The following PHF2 variants were observed in gnomAD, a reference collection of about 807,000 sequenced individuals.
The protein encoded by PHF2 is PHD finger protein 2.
Under a neutral mutation model 120.5 loss-of-function variants are expected in PHF2, and 27 were observed. That is an observed-to-expected ratio of 0.22 (90% confidence interval 0.17 to 0.31). The LOEUF (loss-of-function observed/expected upper bound fraction) is 0.31, where lower values mean the gene tolerates loss of function less well. Ranked by LOEUF, PHF2 falls within the 10% of genes least tolerant of loss-of-function variation. The pLI is 1.00. For synonymous variants in PHF2, 568 were observed against 592.5 expected (o/e 0.96, Z 0.60); for missense variants, 1,024 against 1,434.8 (o/e 0.71, Z 4.63).
At chr9:93,667,533 G>A (rs923449093) in intron 17 of PHF2, among the ~76,000 whole-genome samples, 19 of 152,116 alleles carry the variant, frequency 1.2e-4, no homozygotes, top group Admixed American at 3.3e-4. Flanking sequence ...AAATCTTTTG[G>A]GAATTTCCAC....
At chr9:93,634,112 T>A (rs2131659438) in intron 2 of PHF2, among the ~76,000 whole-genome samples, 1 of 152,190 alleles carries the variant, frequency 6.6e-6, no homozygotes, top group East Asian at 1.9e-4. Context: ...GCTCTGGAAG[T>A]TTCCTCCCTA....
At chr9:93,639,473 G>T (rs1468364736) in intron 3 of PHF2, among the ~76,000 whole-genome samples, 1 of 151,756 alleles carries the variant, frequency 6.6e-6, no homozygotes, top group Non-Finnish European at 1.5e-5. Context: ...TTTTTAGAGG[G>T]TTCCTTAGTA....
chr9:93,597,652 A>G (rs1379837852), intron 1 of PHF2, among the ~76,000 whole-genome samples: 1 of 152,044 alleles, frequency 6.6e-6, no homozygotes, highest in Non-Finnish European at 1.5e-5. Context: ...ACTGCCAGGG[A>G]GGAGCCTGGT....
chr9:93,669,391 G>A lies in PHF2; in HGVS notation c.2348+2151G>A, dbSNP rs1047473390. On this transcript the variant is annotated intron_variant, in intron 17 of 21. Transcript: ENST00000359246. ...GGGCAGGAGTGACTGCGCTCACTTAGGCAGGCCTTCAGTGCTGCAGCTTGT... is the reference window on the plus strand; with the variant it reads ...GGGCAGGAGTGACTGCGCTCACTTAAGCAGGCCTTCAGTGCTGCAGCTTGT... 9.8e-5 allele frequency among the ~76,000 whole-genome samples: 15 copies of A among 152,374 alleles called. 2 individuals are homozygous for A. In the East Asian group the frequency reaches 1.3e-3, roughly 14 times the overall value.
chr9:93,620,518 C>T (rs887472993), intron 1 of PHF2, among the ~76,000 whole-genome samples: 5 of 152,160 alleles, frequency 3.3e-5, no homozygotes, highest in Non-Finnish European at 5.9e-5. Context: ...AGGTGGCCCA[C>T]GATGGGCTTC....
At position 93,651,098 on chromosome 9, in the gene PHF2, T is replaced by TTA. The variant is rs1554797408; in HGVS notation, c.602+1886_602+1887insTA. ...AGGATCCTGTCTTTATTTTAAAAAT[T>TTA]AAAAAAAAAAAAAAAAAGGTAATGG... On this transcript the variant is annotated intron_variant, in intron 5 of 21. Coordinates refer to ENST00000359246, the MANE Select transcript of PHF2 (RefSeq NM_005392.4). 9.1e-4 allele frequency among the ~76,000 whole-genome samples: 126 copies of TTA among 138,924 alleles called. 1 individual carries two copies. The highest frequency in any genetic ancestry group is 8.2e-3 in the East Asian group (39 of 4,734). The allele number at this position is 138,924 out of a possible 152,430, so 91.1% of individuals were successfully genotyped here.
chr9:93,645,848 A>G (rs1195451540), intron 4 of PHF2, 59 bp downstream of exon 4: 3 of 1,504,954 alleles, frequency 2.0e-6, no homozygotes, highest in African/African-American at 1.4e-5. Context: ...TGGGACACCC[A>G]CCACTGTGCA....
Position 93,656,676 on chromosome 9 carries a change from C to T in PHF2, c.1147+81C>T, listed in dbSNP as rs1307052885. On this transcript the variant is annotated intron_variant, in intron 9 of 21. Coordinates refer to ENST00000359246, the MANE Select transcript of PHF2 (RefSeq NM_005392.4). The surrounding 1 kb of genome is among the most constrained non-coding windows in gnomAD (Gnocchi z 4.1). ...GCCAGACCTGGTCAGGGCTGACTGT[C>T]TGGGTGTGAGTGCCGCCTTCCTGTG... is the stretch of plus-strand genomic sequence containing the variant. 1 of 965,258 alleles carries T rather than the reference C, an allele frequency of 1.0e-6. No individual in the cohort carries two copies. The highest frequency in any genetic ancestry group is 1.6e-5 in the African/African-American group (1 of 62,212). The allele number at this position is 965,258 out of a possible 1,614,324, so 59.8% of individuals were successfully genotyped here.
chr9:93,659,038 C>T (rs977480479), intron 10 of PHF2, among the ~76,000 whole-genome samples: 2 of 152,204 alleles, frequency 1.3e-5, no homozygotes, highest in Non-Finnish European at 2.9e-5. Flanking sequence ...TGGAGATTTA[C>T]AGGAAGCCTT....
intron 20 of PHF2, among the ~76,000 whole-genome samples, 173 bp downstream of exon 20, chr9:93,675,962 A>G (rs1826902909): frequency 6.6e-6 from 1 of 152,174 alleles, no homozygotes. Flanking sequence ...TCCAGGCCCT[A>G]AATTCCCCGT....
intron 1 of PHF2, among the ~76,000 whole-genome samples, chr9:93,620,371 C>T (rs550959773): frequency 1.9e-4 from 29 of 152,314 alleles, no homozygotes; most frequent in African/African-American, 2.9e-4. Context: ...AGGTGAGGCA[C>T]GAGGGCCTGT....
chr9:93,636,224 GTA>G (rs1826087295), intron 2 of PHF2, among the ~76,000 whole-genome samples, 185 bp from the exon 3 acceptor site: 1 of 152,070 alleles, frequency 6.6e-6, no homozygotes, highest in Non-Finnish European at 1.5e-5. Context: ...CGAGGTCGAG[GTA>G]GGGGGTTGAC....
In PHF2 at chr9:93,673,767, G is replaced by T. The variant is rs775328716; in HGVS notation, c.2531G>T (p.Arg844Leu). 5.0e-6 allele frequency: 8 copies of T among 1,613,362 alleles called. No homozygotes were observed. Among genetic ancestry groups the T allele is most frequent in the Non-Finnish European group, 5.9e-6 (7 of 1,179,794 alleles). Residue 844 changes from arginine (R) to leucine (L), a missense_variant, in exon 18 of 22, where the codon CGA becomes CTA. Coordinates refer to ENST00000359246, the MANE Select transcript of PHF2 (RefSeq NM_005392.4). ...GGGSGKSAGK[R>L]LLKRAAKNSV... Reference sequence around the variant, plus strand: ...GGCAGTGGCAAGAGTGCAGGCAAACGACTGCTGAAGAGGGCTGCCAAGAAC... The same window carrying T: ...GGCAGTGGCAAGAGTGCAGGCAAACTACTGCTGAAGAGGGCTGCCAAGAAC...
chr9:93,607,567 G>A (rs1478658321), intron 1 of PHF2, among the ~76,000 whole-genome samples: 4 of 151,404 alleles, frequency 2.6e-5, no homozygotes, highest in Admixed American at 6.6e-5. Flanking sequence ...ACAGGTGTGA[G>A]CCACTGTGCC....
At chr9:93,598,501 C>T (rs576672141) in intron 1 of PHF2, among the ~76,000 whole-genome samples, 7 of 152,162 alleles carry the variant, frequency 4.6e-5, no homozygotes, top group Non-Finnish European at 8.8e-5. Flanking sequence ...TGCCAACCCC[C>T]GTCAGAAGTG....
chr9:93,677,870 A>T lies in PHF2; in HGVS notation c.*194A>T, dbSNP rs961893798. On this transcript the variant is annotated 3_prime_UTR_variant, in exon 22 of 22. Transcript: ENST00000359246. This position sits in a 1 kb window ranked among gnomAD's most constrained non-coding sequence, Gnocchi z 4.4. ...GCGTGGCCCCTCAATTTGAAAATGG[A>T]CGTCTTTTCTCAAGTTGCTAAGAGT... 3.4e-6 allele frequency: 2 copies of T among 580,592 alleles called. No individual in the cohort carries two copies. The highest frequency in any genetic ancestry group is 3.2e-5 in the Admixed American group (1 of 30,940). The allele number at this position is 580,592 out of a possible 1,614,324, so 36.0% of individuals were successfully genotyped here.
chr9:93,608,988 C>G (rs917686783), intron 1 of PHF2, among the ~76,000 whole-genome samples: 8 of 148,370 alleles, frequency 5.4e-5, no homozygotes, highest in African/African-American at 2.0e-4. Context: ...TTCTTTTTGT[C>G]TAATCTTTTT....
At chr9:93,635,049 C>T (rs1826068059) in intron 2 of PHF2, among the ~76,000 whole-genome samples, 1 of 152,228 alleles carries the variant, frequency 6.6e-6, no homozygotes, top group Non-Finnish European at 1.5e-5. Flanking sequence ...TTGGCCAAAA[C>T]AGATTTGAAC....
intron 6 of PHF2, among the ~76,000 whole-genome samples, chr9:93,653,709 A>G (rs1485022398): frequency 6.7e-6 from 1 of 149,536 alleles, no homozygotes; most frequent in African/African-American, 2.4e-5. Flanking sequence ...CCCGCACAGG[A>G]GCCAGGGGGC....
Sources: allele counts gnomAD v4.1 joint callset (sites outside exome capture counted in the v4.1 genomes callset), GRCh38; gene constraint gnomAD v4.1.1; non-coding constraint Gnocchi (gnomAD v3.1); transcripts MANE v1.5; gene names NCBI Gene and HGNC (gene_info 2026-07-23, HGNC 2026-07-21).